The following CFAP299 variants were observed in gnomAD, a reference collection of about 807,000 sequenced individuals.
The protein encoded by CFAP299 is cilia- and flagella-associated protein 299.
In CFAP299, 21 loss-of-function variants were observed where a neutral mutation model predicts 27.0. That is an observed-to-expected ratio of 0.78 (90% CI 0.55 to 1.12). CFAP299 has a LOEUF of 1.12. Ranked by LOEUF, CFAP299 falls within the 50% of genes most tolerant of loss-of-function variation. The pLI is 0.00. For missense variants in CFAP299, 310 were observed against 276.6 expected, an observed-to-expected ratio of 1.12 and a Z score of -0.86; for synonymous variants, 104 against 98.1, an observed-to-expected ratio of 1.06 and a Z score of -0.36.
chr4:80,388,180 G>A (rs1269571587), intron 2 of CFAP299: 12 of 687,640 alleles, frequency 1.7e-5, no homozygotes, highest in Non-Finnish European at 2.7e-6. Flanking sequence ...GTGGAGGAGG[G>A]GGTGAAGGCT....
intron 2 of CFAP299, among the ~76,000 whole-genome samples, chr4:80,570,557 C>T (rs1424989853): frequency 6.6e-6 from 1 of 151,970 alleles, no homozygotes; most frequent in Admixed American, 6.6e-5. Flanking sequence ...GTTGCTTAAC[C>T]TCACACTGGA....
intron 2 of CFAP299, among the ~76,000 whole-genome samples, chr4:80,532,599 T>C (rs1733530982): frequency 1.3e-5 from 2 of 152,204 alleles, no homozygotes; most frequent in Admixed American, 6.5e-5. Flanking sequence ...TAAGTTATTT[T>C]CTCATTAATT....
chr4:80,597,287 T>A, intron 3 of CFAP299, among the ~76,000 whole-genome samples: 1 of 152,208 alleles, frequency 6.6e-6, no homozygotes, highest in East Asian at 1.9e-4. Context: ...CATTATATCA[T>A]TGTAGTTTAA....
chr4:80,429,858 G>T (rs190813927), intron 2 of CFAP299, among the ~76,000 whole-genome samples: 138 of 152,050 alleles, frequency 9.1e-4, no homozygotes, highest in Admixed American at 2.0e-3. Flanking sequence ...AAAAAAAAAT[G>T]GCCATATTTG....
At chr4:80,819,701 A>G (rs1729601449) in intron 3 of CFAP299, among the ~76,000 whole-genome samples, 1 of 152,168 alleles carries the variant, frequency 6.6e-6, no homozygotes, top group African/African-American at 2.4e-5. Context: ...GAAAAGATCA[A>G]TGGGGGAACA....
chr4:80,573,119 G>A (rs1044323235), intron 2 of CFAP299, among the ~76,000 whole-genome samples: 1 of 151,960 alleles, frequency 6.6e-6, no homozygotes, highest in Non-Finnish European at 1.5e-5. Context: ...TTCTCCACAT[G>A]GTCACCAGTA....
chr4:80,652,914 T>C (rs1163621866), intron 3 of CFAP299, among the ~76,000 whole-genome samples: 2 of 152,164 alleles, frequency 1.3e-5, no homozygotes, highest in Admixed American at 1.3e-4. Flanking sequence ...GCCCTGGAAT[T>C]GCATACTCAT....
In CFAP299 at chr4:80,643,059, G is replaced by A. The variant is rs1739812780; in HGVS notation, c.333+59876G>A. Among the ~76,000 whole-genome samples, 3 of 152,206 alleles carry A rather than the reference G, an allele frequency of 2.0e-5. No individual in the cohort carries two copies. The South Asian group carries it at 6.2e-4, about 32-fold the overall frequency. ...CGCCTGTAATCCCAGCACTTTGGGA[G>A]GCCGAGAAAGGAGGATCGCTTGAGC... On this transcript the variant is annotated intron_variant, in intron 3 of 5. Coordinates refer to ENST00000358105, the MANE Select transcript of CFAP299 (RefSeq NM_152770.3).
intron 4 of CFAP299, among the ~76,000 whole-genome samples, chr4:80,944,544 T>C (rs1234518924): frequency 6.6e-6 from 1 of 152,168 alleles, no homozygotes; most frequent in Non-Finnish European, 1.5e-5. Context: ...TTCCTGGGAA[T>C]GTAATAGTAC....
upstream of CFAP299, among the ~76,000 whole-genome samples, chr4:80,335,030 T>A: frequency 6.6e-6 from 1 of 152,258 alleles, no homozygotes; most frequent in Non-Finnish European, 1.5e-5. Flanking sequence ...TAAATTCATA[T>A]TTTAAAAACA....
chr4:80,662,706 T>G (rs1021069696), intron 3 of CFAP299, among the ~76,000 whole-genome samples: 5 of 152,276 alleles, frequency 3.3e-5, no homozygotes, highest in African/African-American at 1.2e-4. Flanking sequence ...ATAAGGGTTC[T>G]AGAATAAAAG....
At chr4:80,858,355 C>T (rs1209330222) in intron 3 of CFAP299, among the ~76,000 whole-genome samples, 2 of 152,044 alleles carry the variant, frequency 1.3e-5, no homozygotes, top group Admixed American at 6.6e-5. Context: ...TTTCAAAAAA[C>T]CAGCTCCTGG....
intron 4 of CFAP299, among the ~76,000 whole-genome samples, chr4:80,885,314 A>G (rs1385718800): frequency 6.6e-6 from 1 of 152,186 alleles, no homozygotes; most frequent in Non-Finnish European, 1.5e-5. Context: ...ATCAATTCCT[A>G]GGCAATTCCT....
intron 2 of CFAP299, among the ~76,000 whole-genome samples, chr4:80,389,358 G>A (rs997643600): frequency 5.3e-5 from 8 of 152,062 alleles, no homozygotes; most frequent in African/African-American, 1.7e-4. Flanking sequence ...TAGTCTTTCC[G>A]AAGTCCCATT....
At chr4:80,795,786 T>C (rs1251925843) in intron 3 of CFAP299, among the ~76,000 whole-genome samples, 1 of 152,168 alleles carries the variant, frequency 6.6e-6, no homozygotes, top group Non-Finnish European at 1.5e-5. Context: ...TGATGACCCA[T>C]AGTCAAACAT....
At chr4:80,601,423 G>C (rs1348289904) in intron 3 of CFAP299, among the ~76,000 whole-genome samples, 1 of 152,112 alleles carries the variant, frequency 6.6e-6, no homozygotes, top group East Asian at 1.9e-4. Context: ...AATGCTGTTA[G>C]AGTTTGAGGG....
At chr4:80,466,961 G>T (rs1729734745) in intron 2 of CFAP299, among the ~76,000 whole-genome samples, 1 of 152,156 alleles carries the variant, frequency 6.6e-6, no homozygotes, top group African/African-American at 2.4e-5. Flanking sequence ...TCAATTACAG[G>T]GGAGAGATGG....
intron 3 of CFAP299, among the ~76,000 whole-genome samples, chr4:80,861,605 T>C (rs1027820480): frequency 1.3e-5 from 2 of 152,232 alleles, no homozygotes; most frequent in African/African-American, 2.4e-5. Context: ...GCTAAAATTT[T>C]AAGTAATGAA....
At chr4:80,344,719 T>G (rs1722638779) in intron 1 of CFAP299, among the ~76,000 whole-genome samples, 1 of 152,182 alleles carries the variant, frequency 6.6e-6, no homozygotes, top group Non-Finnish European at 1.5e-5. Flanking sequence ...ATATCCCTGA[T>G]GAATATCAAT....
Sources: allele counts gnomAD v4.1 joint callset (sites outside exome capture counted in the v4.1 genomes callset), GRCh38; gene constraint gnomAD v4.1.1; transcripts MANE v1.5; gene names NCBI Gene and HGNC (gene_info 2026-07-23, HGNC 2026-07-21).